LDLRAD3: variants seen among roughly 807,000 people sequenced by gnomAD.
LDLRAD3 encodes the protein low-density lipoprotein receptor class A domain-containing protein 3.
LDLRAD3 carries 20 observed loss-of-function variants against 29.4 expected under a neutral mutation model. That is an observed-to-expected ratio of 0.68 (90% CI 0.48 to 0.99). The LOEUF (loss-of-function observed/expected upper bound fraction) is 0.99, where lower values mean the gene tolerates loss of function less well. Among genes scored for constraint, LDLRAD3 ranks in the 50% least tolerant of loss-of-function variants. LDLRAD3 has a pLI of 0.00. For synonymous variants in LDLRAD3, 157 were observed against 192.7 expected (o/e 0.81, Z 1.53); for missense variants, 420 against 454.3 (o/e 0.92, Z 0.69).
At chr11:35,955,624 AG>A (rs1260514457) in intron 1 of LDLRAD3, among the ~76,000 whole-genome samples, 3 of 152,216 alleles carry the variant, frequency 2.0e-5, no homozygotes, top group Non-Finnish European at 4.4e-5. Context: ...ATAGATAAAC[AG>A]GGTTACTGCA....
At chr11:36,072,288 G>C (rs1852918569) in intron 2 of LDLRAD3, among the ~76,000 whole-genome samples, 1 of 152,202 alleles carries the variant, frequency 6.6e-6, no homozygotes, top group South Asian at 2.1e-4. Context: ...GGCTGTTCTG[G>C]TGGAACAGAG....
chr11:36,035,516 C>T (rs1013033273), intron 1 of LDLRAD3, among the ~76,000 whole-genome samples: 2 of 152,166 alleles, frequency 1.3e-5, no homozygotes, highest in Non-Finnish European at 2.9e-5. Context: ...CCTTGGGACC[C>T]TGCTGGAGGT....
At position 36,204,478 on chromosome 11, in the gene LDLRAD3, A is replaced by G. The variant is rs1001993190; in HGVS notation, c.455-22607A>G. ...GGCATGTTGGGTTTTTCTTGATGTC[A>G]TTGGAGTTTCTCTCTCTTTCTTTTT... On this transcript the variant is annotated intron_variant, in intron 4 of 5. Transcript: ENST00000315571. Among the ~76,000 whole-genome samples the G allele has an allele frequency of 4.2e-5, 6 of 143,928 alleles. No homozygotes were observed. The South Asian group carries it at 6.8e-4, about 16-fold the overall frequency. The allele number at this position is 143,928 out of a possible 152,430, so 94.4% of individuals were successfully genotyped here.
intron 4 of LDLRAD3, among the ~76,000 whole-genome samples, chr11:36,165,995 T>G (rs1565273034): frequency 8.2e-6 from 1 of 121,446 alleles, no homozygotes; most frequent in Non-Finnish European, 1.6e-5. Flanking sequence ...CCTTCCTTCC[T>G]TCCTTCCTCT....
intron 1 of LDLRAD3, among the ~76,000 whole-genome samples, chr11:35,960,601 G>A (rs1444849726): frequency 6.6e-6 from 1 of 151,970 alleles, no homozygotes; most frequent in African/African-American, 2.4e-5. Flanking sequence ...GTTTTGTTTT[G>A]TTTGTTTATT....
chr11:36,037,857 A>G (rs1368061412), intron 2 of LDLRAD3, among the ~76,000 whole-genome samples: 2 of 152,198 alleles, frequency 1.3e-5, no homozygotes, highest in Non-Finnish European at 2.9e-5. Flanking sequence ...TGCTTGTTGC[A>G]TATGATCTTT....
At chr11:36,045,456 C>T (rs1281064804) in intron 2 of LDLRAD3, among the ~76,000 whole-genome samples, 2 of 152,180 alleles carry the variant, frequency 1.3e-5, no homozygotes. Context: ...AAGGTGTCGG[C>T]CCGGCCGTGG....
At chr11:36,207,599 A>T (rs1855227958) in intron 4 of LDLRAD3, among the ~76,000 whole-genome samples, 1 of 152,106 alleles carries the variant, frequency 6.6e-6, no homozygotes, top group Non-Finnish European at 1.5e-5. Flanking sequence ...GCAGTAAGCC[A>T]TGATTGTGCC....
chr11:36,056,890 A>G (rs1315198046), intron 2 of LDLRAD3, among the ~76,000 whole-genome samples: 1 of 152,134 alleles, frequency 6.6e-6, no homozygotes, highest in African/African-American at 2.4e-5. Flanking sequence ...AGAGCTTTTC[A>G]AACTTTATAT....
At chr11:36,020,301 G>C in intron 1 of LDLRAD3, among the ~76,000 whole-genome samples, 1 of 152,024 alleles carries the variant, frequency 6.6e-6, no homozygotes, top group East Asian at 1.9e-4. Flanking sequence ...ATGAATTTTT[G>C]GTTCCTATGC....
chr11:35,997,516 C>T, intron 1 of LDLRAD3: 1 of 363,472 alleles, frequency 2.8e-6, no homozygotes, highest in Non-Finnish European at 5.3e-6. Context: ...ATCCTTAGAC[C>T]CTTCCAGTCA....
At chr11:35,947,870 A>G (rs957575835) in intron 1 of LDLRAD3, among the ~76,000 whole-genome samples, 1 of 152,176 alleles carries the variant, frequency 6.6e-6, no homozygotes, top group East Asian at 1.9e-4. Context: ...GTTTACATGA[A>G]TGCTCCCCCT....
At position 36,144,691 on chromosome 11, in the gene LDLRAD3, G is replaced by A. The variant is rs1462752870; in HGVS notation, c.454+46230G>A. Among the ~76,000 whole-genome samples, 4 of 126,048 alleles carry A rather than the reference G, an allele frequency of 3.2e-5. 1 individual carries two copies. Among genetic ancestry groups the A allele is most frequent in the African/African-American group, 9.3e-5 (3 of 32,210 alleles). The allele number at this position is 126,048 out of a possible 152,430, so 82.7% of individuals were successfully genotyped here. A position where few individuals can be genotyped will look rare whatever the true frequency, so the allele number is the denominator to read the frequency against. On this transcript the variant is annotated intron_variant, in intron 4 of 5. Transcript: ENST00000315571. ...TGAGAAGTGAGGAGCCCCTCCGCCC[G>A]GCAGCCACCCCGTCTGGGAAGTGAG... is the stretch of plus-strand genomic sequence containing the variant.
At chr11:36,154,161 G>A (rs763383266) in intron 4 of LDLRAD3, among the ~76,000 whole-genome samples, 12 of 152,108 alleles carry the variant, frequency 7.9e-5, no homozygotes, top group African/African-American at 2.4e-4. Context: ...ATGTTCTCTC[G>A]CATTCTGGCA....
chr11:36,044,184 C>G (rs559329251), intron 2 of LDLRAD3, among the ~76,000 whole-genome samples: 282 of 150,648 alleles, frequency 1.9e-3, no homozygotes, highest in Middle Eastern at 3.4e-3. Context: ...CCTATTTTCT[C>G]ATCTGTAAAA....
At chr11:35,955,792 A>C (rs1407709526) in intron 1 of LDLRAD3, among the ~76,000 whole-genome samples, 1 of 152,242 alleles carries the variant, frequency 6.6e-6, no homozygotes, top group Non-Finnish European at 1.5e-5. Flanking sequence ...TAGAGAATAC[A>C]TAGTTCTAAT....
At chr11:36,059,756 C>G (rs1046530978) in intron 2 of LDLRAD3, among the ~76,000 whole-genome samples, 4 of 152,036 alleles carry the variant, frequency 2.6e-5, no homozygotes, top group African/African-American at 9.7e-5. Context: ...CCACCTAGCA[C>G]TTAGCACTGC....
At chr11:35,982,440 C>T (rs912968978) in intron 1 of LDLRAD3, among the ~76,000 whole-genome samples, 4 of 152,222 alleles carry the variant, frequency 2.6e-5, no homozygotes, top group African/African-American at 9.6e-5. Flanking sequence ...CATTTTAACT[C>T]GATCACTTCT....
At chr11:36,043,065 A>T (rs751905344) in intron 2 of LDLRAD3, among the ~76,000 whole-genome samples, 6 of 152,230 alleles carry the variant, frequency 3.9e-5, no homozygotes, top group Admixed American at 3.9e-4. Context: ...TAATCCCAGC[A>T]CTTTGGGAGG....
Sources: allele counts gnomAD v4.1 joint callset (sites outside exome capture counted in the v4.1 genomes callset), GRCh38; gene constraint gnomAD v4.1.1; transcripts MANE v1.5; gene names NCBI Gene and HGNC (gene_info 2026-07-23, HGNC 2026-07-21).